TDRD5: variants seen among roughly 807,000 people sequenced by gnomAD.
TDRD5 encodes the protein tudor domain-containing protein 5.
TDRD5 carries 41 observed loss-of-function variants against 120.6 expected under a neutral mutation model. That is an observed-to-expected ratio of 0.34 (90% confidence interval 0.26 to 0.44). The LOEUF is 0.44. Among genes scored for constraint, TDRD5 ranks in the 20% least tolerant of loss-of-function variants. The probability of loss-of-function intolerance (pLI) is 1.00; values close to 1 mark genes in which losing one functional copy is unlikely to be tolerated. For missense variants in TDRD5, 1,006 were observed against 1,221.2 expected (o/e 0.82, Z 2.63); for synonymous variants, 430 against 433.7 (o/e 0.99, Z 0.11).
At chr1:179,617,557 T>C (rs1023229077) in intron 4 of TDRD5, among the ~76,000 whole-genome samples, 1 of 152,110 alleles carries the variant, frequency 6.6e-6, no homozygotes, top group African/African-American at 2.4e-5. Context: ...AAAGTATTAA[T>C]AGTGATTGTG....
chr1:179,661,167 G>A (rs1022368705), intron 14 of TDRD5, among the ~76,000 whole-genome samples: 1 of 152,046 alleles, frequency 6.6e-6, no homozygotes, highest in Non-Finnish European at 1.5e-5. Context: ...GATTTCTTTA[G>A]GTTTATCCAG....
intron 14 of TDRD5, among the ~76,000 whole-genome samples, chr1:179,656,833 C>G (rs1325299793): frequency 6.6e-6 from 1 of 152,150 alleles, no homozygotes; most frequent in Admixed American, 6.5e-5. Flanking sequence ...GGGTGGATTA[C>G]CTGAGGTCTG....
chr1:179,679,105 C>T (rs112832081), intron 17 of TDRD5, among the ~76,000 whole-genome samples: 8 of 152,102 alleles, frequency 5.3e-5, no homozygotes, highest in African/African-American at 9.7e-5. Flanking sequence ...GCTTATTCTG[C>T]GTCTATTGAG....
intron 4 of TDRD5, among the ~76,000 whole-genome samples, chr1:179,606,135 C>G (rs1675968392): frequency 6.7e-6 from 1 of 148,194 alleles, no homozygotes; most frequent in African/African-American, 2.5e-5. Context: ...TTTGGCCATT[C>G]TAATACTGTA....
chr1:179,625,645 A>G (rs1677082798), intron 6 of TDRD5, among the ~76,000 whole-genome samples: 1 of 152,222 alleles, frequency 6.6e-6, no homozygotes, highest in South Asian at 2.1e-4. Flanking sequence ...ACCCAGAATT[A>G]TACTCCCAGA....
In TDRD5 at chr1:179,595,665, G is replaced by C; in HGVS notation, c.678G>C (p.Gly226=). The part of the protein sequence containing the change: ...IFTQPFRMKQ[G]SYSTGFPVAK... Reference sequence around the variant, plus strand: ...CCCAGCCATTTAGAATGAAACAAGGGTCATACTCCACAGGCTTTCCGGTAG... The same window carrying C: ...CCCAGCCATTTAGAATGAAACAAGGCTCATACTCCACAGGCTTTCCGGTAG... Residue 226 remains glycine (G), a synonymous_variant, in exon 4 of 18, where the codon GGG becomes GGC. Coordinates refer to ENST00000444136, the MANE Select transcript of TDRD5 (RefSeq NM_001199085.3). The C allele has an allele frequency of 6.2e-7, 1 of 1,611,852 alleles. No homozygotes were observed. The highest frequency in any genetic ancestry group is 8.5e-7 in the Non-Finnish European group (1 of 1,179,170).
Position 179,639,921 on chromosome 1 carries a change from A to G in TDRD5, c.1603A>G (p.Arg535Gly). 6.2e-7 allele frequency: 1 copy of G among 1,614,122 alleles called. No homozygotes were observed. Among genetic ancestry groups the G allele is most frequent in the Non-Finnish European group, 8.5e-7 (1 of 1,180,008 alleles). ...TCAGCCGGGACATCTCTGTTGTGTA[A>G]GGATTTCTGAGGATAAGTGGTGGTA... ...FIQPGHLCCV[R>G]ISEDKWWYRV... Residue 535 changes from arginine (R) to glycine (G), a missense_variant, in exon 10 of 18, where the codon AGG (arginine) becomes GGG (glycine). This residue lies in a region of TDRD5 where 158 missense variants were observed against 257.5 expected (regional missense o/e 0.61). Transcript: ENST00000444136.
intron 15 of TDRD5, among the ~76,000 whole-genome samples, chr1:179,663,034 T>G (rs1456402864): frequency 1.3e-5 from 2 of 152,164 alleles, no homozygotes; most frequent in Non-Finnish European, 2.9e-5. Context: ...GTATCTGAAA[T>G]TATGTTGCTC....
At position 179,609,842 on chromosome 1, in the gene TDRD5, C is replaced by T. The variant is rs113720461; in HGVS notation, c.832-8757C>T. On this transcript the variant is annotated intron_variant, in intron 4 of 17. Coordinates refer to ENST00000444136, the MANE Select transcript of TDRD5 (RefSeq NM_001199085.3). ...GCGCAAATCAGTACTCATCTAGAAA[C>T]TTAAGGGAGTTCCTCTGCAGATCTC... Among the ~76,000 whole-genome samples, 614 of 152,302 alleles carry T rather than the reference C, an allele frequency of 4.0e-3. 4 individuals carry two copies. Among genetic ancestry groups the T allele is most frequent in the African/African-American group, 0.014 (581 of 41,570 alleles).
Position 179,646,044 on chromosome 1 carries a change from G to A in TDRD5, c.1801-4823G>A, listed in dbSNP as rs552635817. On this transcript the variant is annotated intron_variant, in intron 11 of 17. Transcript: ENST00000444136. ...TTTGTCTTTCACCCAGAATGTTTAGGCTGATTACACTTATTGTAATAATTG... is the reference window on the plus strand; with the variant it reads ...TTTGTCTTTCACCCAGAATGTTTAGACTGATTACACTTATTGTAATAATTG... Among the ~76,000 whole-genome samples the A allele has an allele frequency of 4.6e-5, 7 of 151,938 alleles. No individual in the cohort carries two copies. The South Asian group carries it at 1.5e-3, about 32-fold the overall frequency.
rs143778611 is a variant in TDRD5 at position 179,592,626 on chromosome 1, A to G, written c.11A>G (p.Gln4Arg). Residue 4 changes from glutamine to arginine, a missense_variant, in exon 2 of 18, where the codon CAA (glutamine) becomes CGA (arginine). Gln to Arg is a conservative substitution (Grantham distance 43, BLOSUM62 1). This residue lies in a region of TDRD5 where 445 missense variants were observed against 515.5 expected (regional missense o/e 0.86). Transcript: ENST00000444136. MSE[Q>R]ERIQECLRKE... ...GTCCTGTAGGGCACAATGTCTGAAC[A>G]AGAGCGTATACAGGAATGTCTGCGG... 20 of 1,613,824 alleles carry G rather than the reference A, an allele frequency of 1.2e-5. No individual in the cohort carries two copies. Among genetic ancestry groups the G allele is most frequent in the Non-Finnish European group, 1.6e-5 (19 of 1,179,996 alleles).
At chr1:179,648,459 G>T (rs539261569) in intron 11 of TDRD5, among the ~76,000 whole-genome samples, 1 of 84,326 alleles carries the variant, frequency 1.2e-5, no homozygotes, top group Non-Finnish European at 2.5e-5. Context: ...GGGTGGGGGG[G>T]GGGAGGGATA....
At chr1:179,654,494 A>G (rs1203580639) in intron 14 of TDRD5, 132 bp downstream of exon 14, 12 of 996,184 alleles carry the variant, frequency 1.2e-5, no homozygotes, top group African/African-American at 3.3e-5. Flanking sequence ...GCCAAGTGCA[A>G]TGGTTCACAC....
chr1:179,593,659 G>T lies in TDRD5; in HGVS notation c.432G>T (p.Ala144=). ...AGAGTGAGTTGAAGGACCTGTTGGCGTTATCTCCTGTTCTTCTTTCTGATT... is the reference window on the plus strand; with the variant it reads ...AGAGTGAGTTGAAGGACCTGTTGGCTTTATCTCCTGTTCTTCTTTCTGATT... ...VVKSELKDLL[A]LSPVLLSDFE... The change falls in exon 3 of 18, where the codon GCG becomes GCT. Residue 144 remains alanine (A), a synonymous_variant. Coordinates refer to ENST00000444136, the MANE Select transcript of TDRD5 (RefSeq NM_001199085.3). 6.2e-7 allele frequency: 1 copy of T among 1,614,224 alleles called. No homozygotes were observed. The highest frequency in any genetic ancestry group is 8.5e-7 in the Non-Finnish European group (1 of 1,180,046).
intron 17 of TDRD5, among the ~76,000 whole-genome samples, chr1:179,670,786 G>T: frequency 6.6e-6 from 1 of 152,072 alleles, no homozygotes; most frequent in East Asian, 1.9e-4. Context: ...GAAGTTCTTT[G>T]TTCTGTATAC....
intron 7 of TDRD5, among the ~76,000 whole-genome samples, chr1:179,632,278 A>G (rs1677499018): frequency 6.6e-6 from 1 of 152,128 alleles, no homozygotes; most frequent in African/African-American, 2.4e-5. Flanking sequence ...GAAATAATAC[A>G]CTATGATACC....
intron 4 of TDRD5, among the ~76,000 whole-genome samples, chr1:179,601,724 G>A (rs1675723597): frequency 6.6e-6 from 1 of 152,190 alleles, no homozygotes; most frequent in Non-Finnish European, 1.5e-5. Context: ...TGCTATAAAT[G>A]TGCATCTGCA....
intron 7 of TDRD5, among the ~76,000 whole-genome samples, chr1:179,631,166 C>T (rs536740506): frequency 3.8e-4 from 58 of 152,098 alleles, no homozygotes; most frequent in South Asian, 8.3e-4. Flanking sequence ...CCGAGGTGGG[C>T]GGATCACGAG....
Position 179,639,714 on chromosome 1 carries a change from A to G in TDRD5, c.1521-125A>G, listed in dbSNP as rs1020116743. ...TTAATTGGTATTAATGAGCATTAACAATTTGACAAAGTCAATTTTCTTTTC... is the reference window on the plus strand; with the variant it reads ...TTAATTGGTATTAATGAGCATTAACGATTTGACAAAGTCAATTTTCTTTTC... On this transcript the variant is annotated intron_variant, in intron 9 of 17. Coordinates refer to ENST00000444136, the MANE Select transcript of TDRD5 (RefSeq NM_001199085.3). The G allele has an allele frequency of 3.8e-5, 36 of 955,718 alleles. No homozygotes were observed. The Admixed American group carries it at 7.2e-4, about 19-fold the overall frequency. 59.2% of individuals were successfully genotyped at this position (955,718 alleles called of 1,614,324 possible).
Sources: allele counts gnomAD v4.1 joint callset (sites outside exome capture counted in the v4.1 genomes callset), GRCh38; gene constraint gnomAD v4.1.1; regional missense constraint gnomAD v4.1.1; transcripts MANE v1.5; gene names NCBI Gene and HGNC (gene_info 2026-07-23, HGNC 2026-07-21).